ITGA9: variants seen among roughly 807,000 people sequenced by gnomAD.
ITGA9 encodes the protein integrin alpha-9.
In ITGA9, 56 loss-of-function variants were observed where a neutral mutation model predicts 127.8. The observed-to-expected ratio is 0.44, with a 90% CI of 0.35 to 0.55. The LOEUF is 0.55. ITGA9 is among the 20% of genes least tolerant of loss of function. The probability of loss-of-function intolerance (pLI) is 0.00; values close to 1 mark genes in which losing one functional copy is unlikely to be tolerated. For missense variants in ITGA9, 1,196 were observed against 1,347.1 expected, an observed-to-expected ratio of 0.89 and a Z score of 1.76; for synonymous variants, 508 against 514.5, an observed-to-expected ratio of 0.99 and a Z score of 0.17.
intron 17 of ITGA9, among the ~76,000 whole-genome samples, chr3:37,677,660 G>A (rs1700696019): frequency 6.6e-6 from 1 of 152,228 alleles, no homozygotes; most frequent in Admixed American, 6.5e-5. Flanking sequence ...AGCACTGACT[G>A]GACCAGGGGT....
intron 18 of ITGA9, among the ~76,000 whole-genome samples, chr3:37,732,392 G>C (rs972299030): frequency 6.6e-6 from 1 of 152,056 alleles, no homozygotes; most frequent in Non-Finnish European, 1.5e-5. Flanking sequence ...AAGATGACAG[G>C]GTTGCCTTTT....
chr3:37,519,701 T>TC (rs201404181), intron 11 of ITGA9, among the ~76,000 whole-genome samples: 6,874 of 152,276 alleles, frequency 0.045, 425 homozygotes, highest in African/African-American at 0.14. Flanking sequence ...GAATATGTTT[T>TC]AATATATAAT....
chr3:37,694,510 C>G (rs193027270), intron 18 of ITGA9, among the ~76,000 whole-genome samples: 400 of 152,336 alleles, frequency 2.6e-3, no homozygotes, highest in Non-Finnish European at 4.6e-3. Flanking sequence ...CGCCGCGGGG[C>G]TCAGCTTTCA....
chr3:37,558,979 A>G (rs919113), intron 15 of ITGA9, among the ~76,000 whole-genome samples: 57,944 of 151,734 alleles, frequency 0.38, 11,607 homozygotes, highest in East Asian at 0.51. Context: ...CCTTCTTTCC[A>G]CCTGTATTTG....
intron 15 of ITGA9, among the ~76,000 whole-genome samples, chr3:37,590,694 A>C (rs531252533): frequency 1.1e-4 from 16 of 151,424 alleles, no homozygotes; most frequent in Non-Finnish European, 2.4e-4. Flanking sequence ...CAAAGTTCAG[A>C]TGTCCCCCTT....
chr3:37,748,418 A>G (rs1180171495), intron 22 of ITGA9: 2 of 593,802 alleles, frequency 3.4e-6, no homozygotes, highest in Non-Finnish European at 6.3e-6. Flanking sequence ...AAGAGCCAAG[A>G]TAGCTTCCTG....
chr3:37,818,607 T>C, intron 27 of ITGA9: 1 of 462,852 alleles, frequency 2.2e-6, no homozygotes, highest in South Asian at 2.1e-5. Flanking sequence ...CAGCTCTCAG[T>C]AACTGGTATT....
chr3:37,582,266 A>G (rs771248718), intron 15 of ITGA9, among the ~76,000 whole-genome samples: 1 of 152,250 alleles, frequency 6.6e-6, no homozygotes, highest in Non-Finnish European at 1.5e-5. Context: ...CAGAATTTAT[A>G]GAATCTAAAA....
intron 23 of ITGA9, among the ~76,000 whole-genome samples, chr3:37,758,655 G>C (rs993565469): frequency 6.7e-6 from 1 of 148,828 alleles, no homozygotes; most frequent in African/African-American, 2.6e-5. Context: ...GAAACTTCAA[G>C]CTAAGTGAGG....
intron 18 of ITGA9, among the ~76,000 whole-genome samples, chr3:37,711,108 G>A (rs369679954): frequency 9.9e-5 from 15 of 152,158 alleles, no homozygotes; most frequent in East Asian, 9.6e-4. Context: ...CTTCCCTTGT[G>A]GCCCCTCGCT....
chr3:37,460,476 C>T (rs573887403), intron 1 of ITGA9, among the ~76,000 whole-genome samples: 62 of 152,100 alleles, frequency 4.1e-4, no homozygotes, highest in Admixed American at 2.9e-3. Context: ...AAAGGATAAA[C>T]GCTTCAGGTG....
intron 3 of ITGA9, 33 bp downstream of exon 3, chr3:37,473,493 G>T (rs1299658579): frequency 6.6e-7 from 1 of 1,505,104 alleles, no homozygotes. Flanking sequence ...GTGGGAAGGG[G>T]GTGGCACTCT....
intron 3 of ITGA9, among the ~76,000 whole-genome samples, chr3:37,480,104 A>G (rs1244829974): frequency 6.6e-6 from 1 of 152,136 alleles, no homozygotes; most frequent in Non-Finnish European, 1.5e-5. Flanking sequence ...CGGGCTGGGC[A>G]GGGTAGAGTG....
chr3:37,677,241 T>A (rs958329025), intron 17 of ITGA9, among the ~76,000 whole-genome samples: 8 of 152,240 alleles, frequency 5.3e-5, no homozygotes, highest in African/African-American at 1.7e-4. Context: ...TTATTTGGTA[T>A]TTTTTGCTCA....
At chr3:37,492,713 C>T (rs970965938) in intron 4 of ITGA9, among the ~76,000 whole-genome samples, 2 of 152,184 alleles carry the variant, frequency 1.3e-5, no homozygotes, top group African/African-American at 4.8e-5. Flanking sequence ...TCATTCAGCT[C>T]ATGGGGTCTG....
chr3:37,561,539 AG>A (rs1310589151), intron 15 of ITGA9, among the ~76,000 whole-genome samples: 1 of 152,220 alleles, frequency 6.6e-6, no homozygotes, highest in Non-Finnish European at 1.5e-5. Flanking sequence ...CACTTACAAA[AG>A]TTAAGAAGCA....
At chr3:37,723,570 C>T (rs1330474743) in intron 18 of ITGA9, among the ~76,000 whole-genome samples, 1 of 152,162 alleles carries the variant, frequency 6.6e-6, no homozygotes, top group African/African-American at 2.4e-5. Context: ...TTATGTTGGC[C>T]AGGCTGGTCA....
At chr3:37,549,464 A>G (rs532668552) in intron 15 of ITGA9, among the ~76,000 whole-genome samples, 4 of 152,314 alleles carry the variant, frequency 2.6e-5, no homozygotes, top group East Asian at 1.9e-4. Context: ...TGTGAGATGC[A>G]GTTTGTAGCA....
intron 16 of ITGA9, among the ~76,000 whole-genome samples, chr3:37,649,465 A>G (rs952503064): frequency 2.6e-5 from 4 of 152,190 alleles, no homozygotes; most frequent in East Asian, 1.9e-4. Flanking sequence ...TAATTCAAAA[A>G]CTGTCTCTAG....
Sources: gnomAD v4.1 joint callset for allele counts (sites outside exome capture counted in the v4.1 genomes callset) on GRCh38, gnomAD v4.1.1 for gene constraint, MANE v1.5 for transcripts, NCBI Gene and HGNC (gene_info 2026-07-23, HGNC 2026-07-21) for gene names.